SAXO1: variants seen among roughly 807,000 people sequenced by gnomAD.
The protein encoded by SAXO1 is stabilizer of axonemal microtubules 1, also known as 4930500O09Rik.
A neutral mutation model predicts 17.5 loss-of-function variants in SAXO1; 21 were observed. The ratio of observed to expected loss-of-function variants is 1.20; its 90% CI spans 0.85 to 1.72. The LOEUF (loss-of-function observed/expected upper bound fraction) is 1.72. SAXO1 is among the 40% of genes most tolerant of loss of function. SAXO1 has a pLI of 0.00. For synonymous variants in SAXO1, 274 were observed against 216.5 expected, an observed-to-expected ratio of 1.27 and a Z score of -2.33; for missense variants, 843 against 596.0, an observed-to-expected ratio of 1.41 and a Z score of -4.32.
At chr9:19,011,310 G>A (rs1013382329) in intron 1 of SAXO1, among the ~76,000 whole-genome samples, 7 of 152,132 alleles carry the variant, frequency 4.6e-5, no homozygotes, top group Middle Eastern at 3.2e-3. Context: ...ACTTTCTAAC[G>A]AGGGAGGCAA....
At chr9:18,985,893 T>C (rs940387050) in intron 1 of SAXO1, among the ~76,000 whole-genome samples, 8 of 152,222 alleles carry the variant, frequency 5.3e-5, no homozygotes, top group Non-Finnish European at 8.8e-5. Context: ...ATGTCTAACG[T>C]GTCAATAAAT....
chr9:18,962,939 G>A (rs929508928), intron 1 of SAXO1, among the ~76,000 whole-genome samples: 3 of 152,032 alleles, frequency 2.0e-5, no homozygotes, highest in Non-Finnish European at 4.4e-5. Context: ...TACGTCTTAC[G>A]CTTAGGTCTT....
intron 1 of SAXO1, among the ~76,000 whole-genome samples, chr9:19,038,759 T>TA (rs538521108): frequency 1.2e-4 from 17 of 143,404 alleles, no homozygotes; most frequent in South Asian, 4.4e-4. Flanking sequence ...AGTATAATAA[T>TA]AAAAAAAAAA....
intron 3 of SAXO1, among the ~76,000 whole-genome samples, chr9:18,938,830 G>GTGTGTGTGTA (rs146125353): frequency 0.013 from 1,936 of 147,676 alleles, 48 homozygotes; most frequent in African/African-American, 0.044. Flanking sequence ...GCGTGTGTGT[G>GTGTGTGTGTA]TGTGTGTGTG....
In SAXO1 at chr9:18,928,244, G is replaced by A; in HGVS notation, c.1233C>T (p.Ser411=). Residue 411 remains serine (S), a synonymous_variant, in exon 4 of 4, where the codon AGC becomes AGT. Transcript: ENST00000380534. ...PVESQTTYTI[S]FTPKEMGRCL... is the part of the protein sequence containing the mutation. ...ACCTGCCCATTTCCTTGGGAGTAAA[G>A]CTGATGGTGTAGGTGGTCTGGCTTT... The A allele has an allele frequency of 6.2e-7, 1 of 1,614,030 alleles. No individual in the cohort carries two copies. Among genetic ancestry groups the A allele is most frequent in the Non-Finnish European group, 8.5e-7 (1 of 1,179,950 alleles).
intron 1 of SAXO1, among the ~76,000 whole-genome samples, chr9:18,967,988 T>C (rs1267597878): frequency 1.3e-5 from 2 of 152,160 alleles, no homozygotes; most frequent in Non-Finnish European, 2.9e-5. Flanking sequence ...CAGCCTCCGA[T>C]GGCTAAGTGA....
intron 1 of SAXO1, among the ~76,000 whole-genome samples, chr9:19,024,011 G>GTTT (rs1835364166): frequency 4.1e-5 from 3 of 72,422 alleles, no homozygotes; most frequent in African/African-American, 1.4e-4. Context: ...ACTCTTTAAG[G>GTTT]CTTTTTTTTT....
intron 1 of SAXO1, among the ~76,000 whole-genome samples, chr9:19,030,279 A>C (rs1406730195): frequency 6.6e-6 from 1 of 152,228 alleles, no homozygotes; most frequent in Non-Finnish European, 1.5e-5. Context: ...CATGGGAGAA[A>C]AAAAAACTAG....
intron 1 of SAXO1, among the ~76,000 whole-genome samples, chr9:19,041,050 G>C (rs1345194442): frequency 6.7e-6 from 1 of 149,298 alleles, no homozygotes; most frequent in East Asian, 2.0e-4. Context: ...AAAACCTAAA[G>C]GCTCCACCAA....
At position 18,928,958 on chromosome 9, in the gene SAXO1, G is replaced by A. The variant is rs778222364; in HGVS notation, c.519C>T (p.His173=). ...ASVRFDNRTT[H]QDDYPIKGLV... ...GGCCTTTTATGGGGTAATCGTCCTG[G>A]TGTGTGGTTCTGTTATCAAACCTGA... The change falls in exon 4 of 4, where the codon CAC becomes CAT. Residue 173 remains histidine, a synonymous_variant. Coordinates refer to ENST00000380534, the MANE Select transcript of SAXO1 (RefSeq NM_153707.4). The A allele has an allele frequency of 6.2e-7, 1 of 1,614,090 alleles. No individual in the cohort carries two copies. The highest frequency in any genetic ancestry group is 1.3e-5 in the African/African-American group (1 of 74,918).
chr9:19,040,238 A>G (rs1257782468), intron 1 of SAXO1, among the ~76,000 whole-genome samples: 1 of 152,246 alleles, frequency 6.6e-6, no homozygotes, highest in Non-Finnish European at 1.5e-5. Context: ...TTGTTAAGAA[A>G]CAGCAAATGA....
chr9:18,992,528 A>C (rs1465036337), intron 1 of SAXO1, among the ~76,000 whole-genome samples: 1 of 152,190 alleles, frequency 6.6e-6, no homozygotes, highest in African/African-American at 2.4e-5. Flanking sequence ...AGGCTGGAGC[A>C]TTAGGACTTC....
At chr9:19,028,117 C>T in intron 1 of SAXO1, 11 of 1,608,014 alleles carry the variant, frequency 6.8e-6, no homozygotes, top group Non-Finnish European at 9.4e-6. Flanking sequence ...GAAAGCCAAC[C>T]TACAGTACTA....
intron 1 of SAXO1, among the ~76,000 whole-genome samples, chr9:18,962,122 T>C (rs1174743303): frequency 6.6e-6 from 1 of 152,108 alleles, no homozygotes; most frequent in Non-Finnish European, 1.5e-5. Flanking sequence ...AGCAGGAGTG[T>C]AATGGCGTAA....
chr9:19,028,237 G>C (rs892431666), intron 1 of SAXO1: 2 of 820,552 alleles, frequency 2.4e-6, no homozygotes, highest in Admixed American at 2.5e-5. Context: ...TTAGCCGGCC[G>C]TAGTGGCGGG....
chr9:18,972,695 T>G (rs1470368004), intron 1 of SAXO1, among the ~76,000 whole-genome samples: 1 of 152,220 alleles, frequency 6.6e-6, no homozygotes, highest in Admixed American at 6.5e-5. Flanking sequence ...TCTTAGGCTC[T>G]AAGAAGCCCA....
intron 1 of SAXO1, among the ~76,000 whole-genome samples, chr9:18,982,816 T>C (rs1833448368): frequency 6.6e-6 from 1 of 152,210 alleles, no homozygotes; most frequent in African/African-American, 2.4e-5. Context: ...AATTTCTATA[T>C]ACCAAGCCTG....
intron 1 of SAXO1, among the ~76,000 whole-genome samples, chr9:18,982,770 A>G (rs1833445307): frequency 6.6e-6 from 1 of 152,364 alleles, no homozygotes; most frequent in East Asian, 1.9e-4. Context: ...TTGCTGAGTA[A>G]CATATCTTGG....
intron 1 of SAXO1, among the ~76,000 whole-genome samples, chr9:18,959,861 A>G (rs1832413986): frequency 6.6e-6 from 1 of 151,930 alleles, no homozygotes; most frequent in Admixed American, 6.5e-5. Context: ...GCTTGATTCC[A>G]GGAGTAGTAA....
Sources: allele counts gnomAD v4.1 joint callset (sites outside exome capture counted in the v4.1 genomes callset), GRCh38; gene constraint gnomAD v4.1.1; transcripts MANE v1.5; gene names NCBI Gene and HGNC (gene_info 2026-07-23, HGNC 2026-07-21).